The following PLEKHH1 variants were observed in gnomAD, a reference collection of about 807,000 sequenced individuals.
The protein encoded by PLEKHH1 is pleckstrin homology, MyTH4 and FERM domain containing H1.
A neutral mutation model predicts 160.0 loss-of-function variants in PLEKHH1; 104 were observed. That is an observed-to-expected ratio of 0.65 (90% CI 0.55 to 0.76). The LOEUF (loss-of-function observed/expected upper bound fraction) is 0.76. Ranked by LOEUF, PLEKHH1 falls within the 30% of genes least tolerant of loss-of-function variation. The probability of loss-of-function intolerance (pLI) is 0.00; values close to 1 mark genes in which losing one functional copy is unlikely to be tolerated. For synonymous variants in PLEKHH1, 619 were observed against 678.4 expected (o/e 0.91, Z 1.36); for missense variants, 1,427 against 1,724.1 (o/e 0.83, Z 3.05).
At chr14:67,539,434 C>CG (rs2033877830) in intron 1 of PLEKHH1, among the ~76,000 whole-genome samples, 1 of 152,160 alleles carries the variant, frequency 6.6e-6, no homozygotes, top group African/African-American at 2.4e-5. Flanking sequence ...CGAGCTTACT[C>CG]GGTCCATCAG....
chr14:67,567,600 G>A (rs576665560), intron 7 of PLEKHH1, among the ~76,000 whole-genome samples: 15 of 151,964 alleles, frequency 9.9e-5, no homozygotes, highest in Admixed American at 4.6e-4. Context: ...CTTCCTCACC[G>A]CCCCTCTGTC....
intron 7 of PLEKHH1, 24 bp downstream of exon 7, chr14:67,562,918 GC>G: frequency 6.3e-7 from 1 of 1,599,174 alleles, no homozygotes; most frequent in Non-Finnish European, 8.5e-7. Flanking sequence ...TCCGGGCTGG[GC>G]AGAGGAGCAG....
Position 67,573,750 on chromosome 14 carries a change from C to T in PLEKHH1, c.1840-51C>T, listed in dbSNP as rs2035493307. The T allele has an allele frequency of 8.4e-6, 10 of 1,196,958 alleles. No homozygotes were observed. The highest frequency in any genetic ancestry group is 1.0e-5 in the Non-Finnish European group (8 of 798,756). 74.1% of individuals were successfully genotyped at this position (1,196,958 alleles called of 1,614,324 possible). A position where few individuals can be genotyped will look rare whatever the true frequency, so the allele number is the denominator to read the frequency against. ...AAGATCTGAGGGTAAATGAGGTGCTCCGGAAAGGCTCCACATTCAGTGGCT... is the reference window on the plus strand; with the variant it reads ...AAGATCTGAGGGTAAATGAGGTGCTTCGGAAAGGCTCCACATTCAGTGGCT... On this transcript the variant is annotated intron_variant, in intron 12 of 28. Coordinates refer to ENST00000329153, the MANE Select transcript of PLEKHH1 (RefSeq NM_020715.3). This position sits in a 1 kb window ranked among gnomAD's most constrained non-coding sequence, Gnocchi z 4.8.
At chr14:67,550,053 C>A (rs892518547) in intron 2 of PLEKHH1, among the ~76,000 whole-genome samples, 2 of 151,674 alleles carry the variant, frequency 1.3e-5, no homozygotes, top group Non-Finnish European at 2.9e-5. Flanking sequence ...TACAGTGGAG[C>A]CCACAGACAA....
chr14:67,582,157 A>T lies in PLEKHH1; in HGVS notation c.3373A>T (p.Arg1125Trp). 6.4e-7 allele frequency: 1 copy of T among 1,560,008 alleles called. No individual in the cohort carries two copies. The highest frequency in any genetic ancestry group is 8.7e-7 in the Non-Finnish European group (1 of 1,153,062). The part of the protein sequence containing the change: ...SQTSREIVAG[R>W]FPINKELALE... ...AACCAGTAGAGAGATAGTGGCAGGG[A>T]GGTTTCCTATCAACAAGGAATTGGC... The change falls in exon 24 of 29, where the codon AGG becomes TGG. Residue 1125 changes from arginine (R) to tryptophan (W), a missense_variant. Physicochemically the swap from Arg to Trp is moderately radical, Grantham distance 101. Coordinates refer to ENST00000329153, the MANE Select transcript of PLEKHH1 (RefSeq NM_020715.3). The surrounding 1 kb of genome is among the most constrained non-coding windows in gnomAD (Gnocchi z 5.0).
Position 67,557,432 on chromosome 14 carries a change from C to T in PLEKHH1, c.339+14C>T, listed in dbSNP as rs752808425. On this transcript the variant is annotated intron_variant, in intron 4 of 28. Coordinates refer to ENST00000329153, the MANE Select transcript of PLEKHH1 (RefSeq NM_020715.3). ...CTGGAGAAGCAGGTAAGGGCTCATG[C>T]GCAAGGGAGCACCATGCCCTCTTCG... 1.9e-5 allele frequency: 30 copies of T among 1,610,002 alleles called. 1 individual carries two copies. The highest frequency in any genetic ancestry group is 3.3e-5 in the South Asian group (3 of 90,868).
intron 9 of PLEKHH1, chr14:67,571,468 T>C (rs2140466349): frequency 2.8e-6 from 1 of 353,984 alleles, no homozygotes; most frequent in Non-Finnish European, 5.3e-6. Flanking sequence ...TCTGGCCCCC[T>C]AGTGGCAAGG....
chr14:67,541,665 G>A (rs1240713594), intron 1 of PLEKHH1, among the ~76,000 whole-genome samples, 169 bp from the exon 2 acceptor site: 1 of 152,190 alleles, frequency 6.6e-6, no homozygotes, highest in Non-Finnish European at 1.5e-5. Context: ...CTGAGCTGAG[G>A]AAGGCAGGGA....
intron 1 of PLEKHH1, among the ~76,000 whole-genome samples, chr14:67,534,223 T>C (rs2033602429): frequency 6.6e-6 from 1 of 152,054 alleles, no homozygotes; most frequent in African/African-American, 2.4e-5. Context: ...AGAACATCGG[T>C]ATTAGTGTTT....
chr14:67,561,838 T>A, intron 5 of PLEKHH1, 116 bp from the exon 6 acceptor site: 2 of 746,244 alleles, frequency 2.7e-6, no homozygotes, highest in South Asian at 3.7e-5. Context: ...CCACTGCAAT[T>A]CAGTCTGGCC....
At chr14:67,549,891 A>G (rs1481579551) in intron 2 of PLEKHH1, among the ~76,000 whole-genome samples, 2 of 152,250 alleles carry the variant, frequency 1.3e-5, no homozygotes, top group African/African-American at 2.4e-5. Context: ...AAGAATCTGC[A>G]TGATGACAAA....
At position 67,562,182 on chromosome 14, in the gene PLEKHH1, G is replaced by T. The variant is rs1215214828; in HGVS notation, c.551G>T (p.Gly184Val). 1.2e-6 allele frequency: 2 copies of T among 1,611,522 alleles called. No homozygotes were observed. Among genetic ancestry groups the T allele is most frequent in the African/African-American group, 1.3e-5 (1 of 74,994 alleles). ...CGGAAGCTGCTGGTGCCCCCCTACG[G>T]AGCTGCAGAGCAGGATTCTGTCCCT... Reference protein sequence around the residue: ...PSRKLLVPPYGAAEQDSVPSE... With the variant: ...PSRKLLVPPYVAAEQDSVPSE... The change falls in exon 7 of 29, where the codon GGA (glycine) becomes GTA (valine). Residue 184 changes from glycine (G) to valine (V), a missense_variant. Around this residue, in one of 6 missense-constraint regions of PLEKHH1, gnomAD observed 831 missense variants for 929.2 expected, o/e 0.89. Coordinates refer to ENST00000329153, the MANE Select transcript of PLEKHH1 (RefSeq NM_020715.3).
At chr14:67,571,245 CAT>C (rs770027865) in intron 9 of PLEKHH1, 10 of 159,674 alleles carry the variant, frequency 6.3e-5, no homozygotes, top group East Asian at 1.7e-4. Context: ...AAATTATATA[CAT>C]GTTTTAATTT....
intron 2 of PLEKHH1, among the ~76,000 whole-genome samples, chr14:67,544,672 C>G (rs536603674): frequency 6.6e-6 from 1 of 152,264 alleles, no homozygotes; most frequent in South Asian, 2.1e-4. Context: ...CTAAAAAGAT[C>G]AGGTAGACTT....
chr14:67,557,530 C>T (rs893010746), intron 4 of PLEKHH1, 112 bp downstream of exon 4: 1 of 881,014 alleles, frequency 1.1e-6, no homozygotes, highest in Non-Finnish European at 1.7e-6. Flanking sequence ...AACTCGCTCC[C>T]TCCTGAGCCT....
intron 4 of PLEKHH1, 98 bp downstream of exon 4, chr14:67,557,516 G>A: frequency 8.8e-7 from 1 of 1,132,702 alleles, no homozygotes; most frequent in Non-Finnish European, 1.3e-6. Flanking sequence ...CTCTAGTGCT[G>A]GGGAACTCGC....
At chr14:67,559,769 T>G in intron 5 of PLEKHH1, 78 bp downstream of exon 5, 2 of 925,516 alleles carry the variant, frequency 2.2e-6, no homozygotes. Flanking sequence ...TCCTGCCCCC[T>G]ACTGTCTAGG....
Position 67,575,814 on chromosome 14 carries a change from T to C in PLEKHH1, c.2170-9T>C. On this transcript the variant is annotated splice_polypyrimidine_tract_variant and intron_variant, in intron 15 of 28. Coordinates refer to ENST00000329153, the MANE Select transcript of PLEKHH1 (RefSeq NM_020715.3). ...GGCTCTCCCATTCATGGAAGACTGCTGTCCACAGCGACCCCTGGGCTGCCT... is the reference window on the plus strand; with the variant it reads ...GGCTCTCCCATTCATGGAAGACTGCCGTCCACAGCGACCCCTGGGCTGCCT... The C allele has an allele frequency of 6.2e-7, 1 of 1,610,370 alleles. No individual in the cohort carries two copies.
At position 67,562,635 on chromosome 14, in the gene PLEKHH1, C is replaced by T. The variant is rs1336726082; in HGVS notation, c.1004C>T (p.Pro335Leu). 6.2e-7 allele frequency: 1 copy of T among 1,613,026 alleles called. No homozygotes were observed. Among genetic ancestry groups the T allele is most frequent in the Non-Finnish European group, 8.5e-7 (1 of 1,179,556 alleles). Residue 335 changes from proline to leucine, a missense_variant, in exon 7 of 29, where the codon CCC becomes CTC. Physicochemically the swap from Pro to Leu is moderately conservative, Grantham distance 98. Transcript: ENST00000329153. ...TTGGCCAAAAGGCACCACAGCCAGC[C>T]CCAGGTGGGCCATGGGCACTTTGGC... ...IQLAKRHHSQ[P>L]QVGHGHFGRV...
Sources: allele counts gnomAD v4.1 joint callset (sites outside exome capture counted in the v4.1 genomes callset), GRCh38; gene constraint gnomAD v4.1.1; regional missense constraint gnomAD v4.1.1; non-coding constraint Gnocchi (gnomAD v3.1); transcripts MANE v1.5; gene names NCBI Gene and HGNC (gene_info 2026-07-23, HGNC 2026-07-21).